The following OSBPL6 variants were observed in gnomAD, a reference collection of about 807,000 sequenced individuals.
OSBPL6 encodes the protein oxysterol binding protein like 6.
In OSBPL6, 49 loss-of-function variants were observed where a neutral mutation model predicts 125.8. The ratio of observed to expected loss-of-function variants is 0.39; its 90% confidence interval spans 0.31 to 0.49. OSBPL6 has a LOEUF of 0.49. Among genes scored for constraint, OSBPL6 ranks in the 20% least tolerant of loss-of-function variants. The pLI, the probability that OSBPL6 is intolerant of heterozygous loss-of-function variation, is 0.88. For synonymous variants in OSBPL6, 394 were observed against 391.8 expected (o/e 1.01, Z -0.07); for missense variants, 986 against 1,135.4 (o/e 0.87, Z 1.89).
At chr2:178,373,603 A>G (rs1358447299) in intron 14 of OSBPL6, among the ~76,000 whole-genome samples, 2 of 152,242 alleles carry the variant, frequency 1.3e-5, no homozygotes, top group African/African-American at 4.8e-5. Context: ...AGTTGTCTCT[A>G]CAGTCAATCA....
At chr2:178,282,860 C>A (rs1286245045) in intron 1 of OSBPL6, among the ~76,000 whole-genome samples, 3 of 152,134 alleles carry the variant, frequency 2.0e-5, no homozygotes, top group Non-Finnish European at 4.4e-5. Flanking sequence ...ACCATGTTGG[C>A]CAAGCTGGTC....
At chr2:178,322,752 T>A (rs1164821065) in intron 3 of OSBPL6, among the ~76,000 whole-genome samples, 1 of 152,166 alleles carries the variant, frequency 6.6e-6, no homozygotes, top group Non-Finnish European at 1.5e-5. Context: ...CTTCTTTTCC[T>A]ATGGAAAATT....
chr2:178,281,801 A>AG (rs1031194105), intron 1 of OSBPL6, among the ~76,000 whole-genome samples: 7 of 4,428 alleles, frequency 1.6e-3, no homozygotes, highest in African/African-American at 8.1e-3. Flanking sequence ...GTCTGTGGTG[A>AG]GGGGGGTGGT....
intron 12 of OSBPL6, among the ~76,000 whole-genome samples, chr2:178,351,352 T>C (rs1691238325): frequency 6.6e-6 from 1 of 151,978 alleles, no homozygotes; most frequent in African/African-American, 2.4e-5. Context: ...ACCCAAAAGA[T>C]GCCACCAAGA....
intron 1 of OSBPL6, among the ~76,000 whole-genome samples, chr2:178,244,558 T>C (rs2091421788): frequency 6.6e-6 from 1 of 152,212 alleles, no homozygotes; most frequent in African/African-American, 2.4e-5. Flanking sequence ...GGGAATAATA[T>C]CATATTCCTG....
At chr2:178,300,477 C>T (rs1172466871) in intron 2 of OSBPL6, among the ~76,000 whole-genome samples, 7 of 152,162 alleles carry the variant, frequency 4.6e-5, no homozygotes, top group East Asian at 3.9e-4. Context: ...GCGGGGGCAG[C>T]GGGGACAGGG....
intron 1 of OSBPL6, among the ~76,000 whole-genome samples, chr2:178,245,347 T>G (rs1460895756): frequency 6.6e-6 from 1 of 152,228 alleles, no homozygotes; most frequent in Non-Finnish European, 1.5e-5. Context: ...GCTGTGACAA[T>G]GTATGTATAG....
intron 23 of OSBPL6, among the ~76,000 whole-genome samples, chr2:178,392,762 G>A (rs562129370): frequency 6.6e-6 from 1 of 151,710 alleles, no homozygotes; most frequent in South Asian, 2.1e-4. Context: ...TAGGGAGGCT[G>A]ACGTGGGAGG....
chr2:178,298,697 T>G (rs918388707), intron 2 of OSBPL6, among the ~76,000 whole-genome samples: 3 of 146,534 alleles, frequency 2.0e-5, no homozygotes. Context: ...TTTAGTTGCT[T>G]TTTTTTTTGT....
intron 14 of OSBPL6, 44 bp downstream of exon 14, chr2:178,372,277 A>G: frequency 7.2e-7 from 1 of 1,396,194 alleles, no homozygotes; most frequent in Non-Finnish European, 1.0e-6. Flanking sequence ...ATTTTTTAGC[A>G]TCTAAATTTA....
intron 1 of OSBPL6, among the ~76,000 whole-genome samples, chr2:178,218,594 CTT>C (rs768515334): frequency 5.6e-4 from 85 of 150,556 alleles, no homozygotes; most frequent in Non-Finnish European, 1.1e-3. Flanking sequence ...CTTTTACTGA[CTT>C]TTTTCTCTCC....
At chr2:178,201,673 G>A (rs2089265248) in intron 1 of OSBPL6, among the ~76,000 whole-genome samples, 1 of 152,202 alleles carries the variant, frequency 6.6e-6, no homozygotes, top group Non-Finnish European at 1.5e-5. Context: ...GAGAGGTGAG[G>A]TGTCCGAGCC....
At chr2:178,350,584 G>A (rs945858586) in intron 12 of OSBPL6, among the ~76,000 whole-genome samples, 17 of 152,092 alleles carry the variant, frequency 1.1e-4, no homozygotes, top group African/African-American at 3.9e-4. Flanking sequence ...AAACAATTAA[G>A]CTAAACCCCT....
chr2:178,205,271 G>T (rs1460130780), intron 1 of OSBPL6, among the ~76,000 whole-genome samples: 1 of 152,160 alleles, frequency 6.6e-6, no homozygotes, highest in Non-Finnish European at 1.5e-5. Flanking sequence ...GGGAAGAGAG[G>T]AAGCCAAAGA....
chr2:178,352,283 C>T (rs1383579296), intron 12 of OSBPL6, among the ~76,000 whole-genome samples: 4 of 152,220 alleles, frequency 2.6e-5, no homozygotes, highest in South Asian at 2.1e-4. Flanking sequence ...CAGGGCAGGG[C>T]GTTACCTCTC....
chr2:178,230,188 C>A (rs2090757156), intron 1 of OSBPL6, among the ~76,000 whole-genome samples: 5 of 152,156 alleles, frequency 3.3e-5, no homozygotes, highest in Admixed American at 1.3e-4. Context: ...GCTCAGATCC[C>A]ATTGAGTAGA....
intron 13 of OSBPL6, among the ~76,000 whole-genome samples, chr2:178,367,009 T>C (rs1310383685): frequency 6.6e-6 from 1 of 152,240 alleles, no homozygotes; most frequent in Non-Finnish European, 1.5e-5. Context: ...GTATTATTTA[T>C]ACTAGTAAAA....
Position 178,291,464 on chromosome 2 carries a change from T to C in OSBPL6, c.-156+6343T>C, listed in dbSNP as rs546052282. 7.9e-5 allele frequency among the ~76,000 whole-genome samples: 12 copies of C among 152,244 alleles called. No individual in the cohort carries two copies. In the East Asian group the frequency reaches 2.3e-3, roughly 29 times the overall value. On this transcript the variant is annotated intron_variant, in intron 2 of 24. Transcript: ENST00000190611. The stretch of plus-strand genomic sequence containing the variant: ...AAATAAAGCAGAGAGACTGAAGGTG[T>C]TCCAGTGTTTTTATTTTATTGCTTC...
intron 21 of OSBPL6, 136 bp downstream of exon 21, chr2:178,389,289 A>G: frequency 4.5e-6 from 4 of 891,460 alleles, no homozygotes; most frequent in Non-Finnish European, 6.5e-6. Flanking sequence ...TAGATAAGAA[A>G]GCAGAACAAA....
Sources: allele counts gnomAD v4.1 joint callset (sites outside exome capture counted in the v4.1 genomes callset), GRCh38; gene constraint gnomAD v4.1.1; transcripts MANE v1.5; gene names NCBI Gene and HGNC (gene_info 2026-07-23, HGNC 2026-07-21).